The following C2orf69 variants were observed in gnomAD, a reference collection of about 807,000 sequenced individuals.
The protein encoded by C2orf69 is chromosome 2 open reading frame 69.
In C2orf69, 19 loss-of-function variants were observed where a neutral mutation model predicts 29.5. The ratio of observed to expected loss-of-function variants is 0.65; its 90% CI spans 0.45 to 0.95. The LOEUF (loss-of-function observed/expected upper bound fraction) is 0.95. C2orf69 is among the 40% of genes least tolerant of loss of function. The pLI, the probability that C2orf69 is intolerant of heterozygous loss-of-function variation, is 0.00. For missense variants in C2orf69, 416 were observed against 482.1 expected, an observed-to-expected ratio of 0.86 and a Z score of 1.28; for synonymous variants, 194 against 180.0, an observed-to-expected ratio of 1.08 and a Z score of -0.62.
chr2:199,911,392 C>A lies in C2orf69; in HGVS notation c.-47C>A, dbSNP rs1157487227. 4 of 1,424,808 alleles carry A rather than the reference C, an allele frequency of 2.8e-6. No homozygotes were observed. The highest frequency in any genetic ancestry group is 3.7e-6 in the Non-Finnish European group (4 of 1,093,856). The allele number at this position is 1,424,808 out of a possible 1,614,324, so 88.3% of individuals were successfully genotyped here. A position where few individuals can be genotyped will look rare whatever the true frequency, so the allele number is the denominator to read the frequency against. Reference sequence around the variant, plus strand: ...CCTGCTGAAGTCCCTCCCTCAGGAACCCCTCCGCCACCCTCCACCTCCGAA... The same window carrying A: ...CCTGCTGAAGTCCCTCCCTCAGGAAACCCTCCGCCACCCTCCACCTCCGAA... On this transcript the variant is annotated 5_prime_UTR_variant, in exon 1 of 2. Transcript: ENST00000319974.
chr2:199,921,003 T>G (rs1159643487), intron 1 of C2orf69, among the ~76,000 whole-genome samples: 89 of 99,060 alleles, frequency 9.0e-4, no homozygotes, highest in African/African-American at 3.7e-3. Context: ...AGGAATTAGT[T>G]TTTTTTTTTT....
intron 1 of C2orf69, among the ~76,000 whole-genome samples, chr2:199,921,821 T>C (rs2077317259): frequency 6.6e-6 from 1 of 151,844 alleles, no homozygotes; most frequent in African/African-American, 2.4e-5. Flanking sequence ...AATGATTATT[T>C]TTAATTGGTT....
intron 1 of C2orf69, among the ~76,000 whole-genome samples, chr2:199,920,695 G>C (rs2077312130): frequency 6.6e-6 from 1 of 151,950 alleles, no homozygotes; most frequent in Admixed American, 6.6e-5. Flanking sequence ...GGTGGCTCAT[G>C]CCTGTAATCC....
rs1421225518 is a variant in C2orf69, at chr2:199,911,636, G to C, written c.198G>C (p.Gln66His). ...CCACCGTGCCTGGAGCCGATCCGCA[G>C]CGCAGCAACGAATTGCTCCTGTTGG... The part of the protein sequence containing the change: ...QLSTVPGADP[Q>H]RSNELLLLAA... Residue 66 changes from glutamine to histidine, a missense_variant, in exon 1 of 2, where the codon CAG (glutamine) becomes CAC (histidine). Around this residue, in one of 4 missense-constraint regions of C2orf69, gnomAD observed 175 missense variants for 139.9 expected, o/e 1.25. Transcript: ENST00000319974. 6.5e-7 allele frequency: 1 copy of C among 1,549,480 alleles called. No individual in the cohort carries two copies. The highest frequency in any genetic ancestry group is 2.4e-5 in the East Asian group (1 of 40,888).
intron 1 of C2orf69, among the ~76,000 whole-genome samples, chr2:199,913,793 A>G (rs1032115861): frequency 6.6e-6 from 1 of 151,914 alleles, no homozygotes; most frequent in Non-Finnish European, 1.5e-5. Flanking sequence ...CAATTACTGC[A>G]TGCATTCCTA....
In C2orf69 at chr2:199,925,438, C is replaced by A; in HGVS notation, c.710C>A (p.Thr237Asn). Residue 237 changes from threonine (T) to asparagine (N), a missense_variant, in exon 2 of 2, where the codon ACC (threonine) becomes AAC (asparagine). Coordinates refer to ENST00000319974, the MANE Select transcript of C2orf69 (RefSeq NM_153689.6). The surrounding 1 kb of genome is among the most constrained non-coding windows in gnomAD (Gnocchi z 4.9). Reference sequence around the variant, plus strand: ...GGTTGCCAGGGAGAAAAAGTGAGGACCTGTGAAAAATCTGATGAGTCTGCC... The same window carrying A: ...GGTTGCCAGGGAGAAAAAGTGAGGAACTGTGAAAAATCTGATGAGTCTGCC... ...TNGCQGEKVR[T>N]CEKSDESAMS... The A allele has an allele frequency of 6.2e-7, 1 of 1,613,778 alleles. No homozygotes were observed. Among genetic ancestry groups the A allele is most frequent in the South Asian group, 1.1e-5 (1 of 91,072 alleles).
rs1312772062 is a variant in C2orf69, at chr2:199,925,101, C to G, written c.373C>G (p.Gln125Glu). ...EIMTRHPENY[Q>E]WENWSLENVA... The stretch of plus-strand genomic sequence containing the variant: ...TATGACTCGTCATCCTGAGAATTAT[C>G]AATGGGAAAACTGGAGTCTAGAAAA... The change falls in exon 2 of 2, where the codon CAA (glutamine) becomes GAA (glutamate). Residue 125 changes from glutamine to glutamate, a missense_variant. Transcript: ENST00000319974. This position sits in a 1 kb window ranked among gnomAD's most constrained non-coding sequence, Gnocchi z 4.9. 1.9e-6 allele frequency: 3 copies of G among 1,611,824 alleles called. No homozygotes were observed. Among genetic ancestry groups the G allele is most frequent in the Non-Finnish European group, 2.5e-6 (3 of 1,178,310 alleles).
At chr2:199,919,186 G>A (rs1373289375) in intron 1 of C2orf69, among the ~76,000 whole-genome samples, 1 of 151,884 alleles carries the variant, frequency 6.6e-6, no homozygotes, top group Non-Finnish European at 1.5e-5. Context: ...AACCCCGGGG[G>A]TTAAGTGATC....
At chr2:199,919,968 T>G (rs1309644267) in intron 1 of C2orf69, among the ~76,000 whole-genome samples, 1 of 152,084 alleles carries the variant, frequency 6.6e-6, no homozygotes, top group Non-Finnish European at 1.5e-5. Context: ...GGTCTCTGAG[T>G]TTTTGCAGGT....
chr2:199,918,978 G>A (rs1032192770), intron 1 of C2orf69, among the ~76,000 whole-genome samples: 4 of 152,002 alleles, frequency 2.6e-5, no homozygotes, highest in Admixed American at 2.0e-4. Flanking sequence ...TTGAGACAGG[G>A]TCTAGCTCTG....
chr2:199,923,727 A>G (rs2077326128), intron 1 of C2orf69, among the ~76,000 whole-genome samples: 1 of 152,262 alleles, frequency 6.6e-6, no homozygotes, highest in African/African-American at 2.4e-5. Context: ...ATTTAGCTCA[A>G]AAAAGAAATG....
intron 1 of C2orf69, among the ~76,000 whole-genome samples, chr2:199,919,359 C>T (rs544836239): frequency 6.6e-6 from 1 of 152,282 alleles, no homozygotes; most frequent in African/African-American, 2.4e-5. Context: ...CCAGTTTTAA[C>T]TCTTTAAAAG....
In C2orf69 at chr2:199,925,214, C is replaced by G; in HGVS notation, c.486C>G (p.Cys162Trp). 12 of 1,612,484 alleles carry G rather than the reference C, an allele frequency of 7.4e-6. No homozygotes were observed. The highest frequency in any genetic ancestry group is 1.0e-5 in the Non-Finnish European group (12 of 1,179,830). Residue 162 changes from cysteine to tryptophan, a missense_variant, in exon 2 of 2, where the codon TGC (cysteine) becomes TGG (tryptophan). Cys to Trp is a radical substitution (Grantham distance 215, BLOSUM62 -2). Coordinates refer to ENST00000319974, the MANE Select transcript of C2orf69 (RefSeq NM_153689.6). This position sits in a 1 kb window ranked among gnomAD's most constrained non-coding sequence, Gnocchi z 4.9. ...GAATGCATTTGCACAAATTCAGCTG[C>G]TATGACAATTTTGTGAAAAGTAACA... ...CSRMHLHKFS[C>W]YDNFVKSNMF... is the part of the protein sequence containing the mutation.
In C2orf69 at chr2:199,911,566, G is replaced by T. The variant is rs1009726408; in HGVS notation, c.128G>T (p.Cys43Phe). Reference protein sequence around the residue: ...MNPGGSGGARCSLSAEVRRRQ... With the variant: ...MNPGGSGGARFSLSAEVRRRQ... The stretch of plus-strand genomic sequence containing the variant: ...CCGGGCGGCAGCGGCGGCGCGCGAT[G>T]CTCCCTCTCGGCCGAGGTGCGCCGC... The change falls in exon 1 of 2, where the codon TGC (cysteine) becomes TTC (phenylalanine). Residue 43 changes from cysteine to phenylalanine, a missense_variant. By Grantham distance (205) the Cys-to-Phe change is radical. Transcript: ENST00000319974. 1 of 1,549,604 alleles carries T rather than the reference G, an allele frequency of 6.5e-7. No homozygotes were observed. The highest frequency in any genetic ancestry group is 1.4e-5 in the African/African-American group (1 of 73,054).
rs749097469 is a variant in C2orf69 at position 199,925,508 on chromosome 2, G to T, written c.780G>T (p.Leu260Phe). 1 of 1,613,830 alleles carries T rather than the reference G, an allele frequency of 6.2e-7. No individual in the cohort carries two copies. The highest frequency in any genetic ancestry group is 8.5e-7 in the Non-Finnish European group (1 of 1,179,828). The change falls in exon 2 of 2, where the codon TTG (leucine) becomes TTT (phenylalanine). Residue 260 changes from leucine to phenylalanine, a missense_variant. Transcript: ENST00000319974. This position sits in a 1 kb window ranked among gnomAD's most constrained non-coding sequence, Gnocchi z 4.9. ...CACTAAATGACGCATCTTTTACTTTGATTGGATTCAGTAAAGGTTGTGTTG... is the reference window on the plus strand; with the variant it reads ...CACTAAATGACGCATCTTTTACTTTTATTGGATTCAGTAAAGGTTGTGTTG... ...PPSLNDASFT[L>F]IGFSKGCVVL...
intron 1 of C2orf69, among the ~76,000 whole-genome samples, chr2:199,913,996 ATC>A (rs1243642040): frequency 6.6e-6 from 1 of 152,212 alleles, no homozygotes; most frequent in Non-Finnish European, 1.5e-5. Context: ...CAATTGTTAC[ATC>A]TCTCTGTGTT....
chr2:199,925,429 A>T lies in C2orf69; in HGVS notation c.701A>T (p.Lys234Ile). Residue 234 changes from lysine (K) to isoleucine (I), a missense_variant, in exon 2 of 2, where the codon AAA (lysine) becomes ATA (isoleucine). Around this residue, in one of 4 missense-constraint regions of C2orf69, gnomAD observed 225 missense variants for 307.3 expected, o/e 0.73. Transcript: ENST00000319974. The surrounding 1 kb of genome is among the most constrained non-coding windows in gnomAD (Gnocchi z 4.9). ...SHTTNGCQGE[K>I]VRTCEKSDES... The stretch of plus-strand genomic sequence containing the variant: ...ACTACGAATGGTTGCCAGGGAGAAA[A>T]AGTGAGGACCTGTGAAAAATCTGAT... 1 of 1,613,830 alleles carries T rather than the reference A, an allele frequency of 6.2e-7. No homozygotes were observed. The highest frequency in any genetic ancestry group is 1.3e-5 in the African/African-American group (1 of 75,046).
intron 1 of C2orf69, among the ~76,000 whole-genome samples, chr2:199,921,421 A>G (rs1320909225): frequency 6.6e-6 from 1 of 152,204 alleles, no homozygotes; most frequent in Non-Finnish European, 1.5e-5. Flanking sequence ...CAGAAAATTA[A>G]CAAAAGAAAA....
intron 1 of C2orf69, among the ~76,000 whole-genome samples, chr2:199,916,198 G>A (rs1326108511): frequency 2.6e-5 from 4 of 152,112 alleles, no homozygotes; most frequent in South Asian, 2.1e-4. Context: ...GAATGAGACC[G>A]AAGGTGGGGA....
Sources: gnomAD v4.1 joint callset for allele counts (sites outside exome capture counted in the v4.1 genomes callset) on GRCh38, gnomAD v4.1.1 for gene constraint, gnomAD v4.1.1 regional missense constraint, Gnocchi (gnomAD v3.1) non-coding constraint, MANE v1.5 for transcripts, NCBI Gene and HGNC (gene_info 2026-07-23, HGNC 2026-07-21) for gene names.